The following ZNHIT3 variants were observed in gnomAD, a reference collection of about 807,000 sequenced individuals.
ZNHIT3 encodes the protein zinc finger HIT domain-containing protein 3.
Under a neutral mutation model 19.9 loss-of-function variants are expected in ZNHIT3, and 27 were observed. That is an observed-to-expected ratio of 1.36 (90% CI 1.00 to 1.87). The LOEUF is 1.87. Ranked by LOEUF, ZNHIT3 falls within the 40% of genes most tolerant of loss-of-function variation. The probability of loss-of-function intolerance (pLI) is 0.00; values close to 1 mark genes in which losing one functional copy is unlikely to be tolerated. For synonymous variants in ZNHIT3, 81 were observed against 65.7 expected (o/e 1.23, Z -1.13); for missense variants, 215 against 185.6 (o/e 1.16, Z -0.92).
downstream of ZNHIT3, chr17:36,495,884 A>G: frequency 8.1e-7 from 1 of 1,234,834 alleles, no homozygotes; most frequent in Non-Finnish European, 1.0e-6. Flanking sequence ...TCCAGCGCCA[A>G]TTTTAGGCCA....
At chr17:36,490,975 C>G (rs2070713335) in intron 2 of ZNHIT3, 1 of 152,094 alleles carries the variant, frequency 6.6e-6, no homozygotes, top group South Asian at 2.1e-4. Flanking sequence ...GCCACCATGC[C>G]TGGCTTATTT....
chr17:36,493,970 G>C lies in ZNHIT3; in HGVS notation c.250G>C (p.Glu84Gln). The change falls in exon 4 of 5, where the codon GAA (glutamate) becomes CAA (glutamine). Residue 84 changes from glutamate to glutamine, a missense_variant. Physicochemically the swap from Glu to Gln is conservative, Grantham distance 29. Coordinates refer to ENST00000617429, the MANE Select transcript of ZNHIT3 (RefSeq NM_004773.4). Reference protein sequence around the residue: ...IADFLNSDEEEDRVSLQNLKN... With the variant: ...IADFLNSDEEQDRVSLQNLKN... The stretch of plus-strand genomic sequence containing the variant: ...TGATTTTCTCAATAGTGATGAGGAA[G>C]AAGACAGAGTTTCTTTGCAGAATTT... The C allele has an allele frequency of 6.2e-7, 1 of 1,613,820 alleles. No individual in the cohort carries two copies.
chr17:36,486,765 T>C lies in ZNHIT3; in HGVS notation c.66T>C (p.Cys22=). The C allele has an allele frequency of 3.1e-6, 5 of 1,610,080 alleles. No individual in the cohort carries two copies. Among genetic ancestry groups the C allele is most frequent in the Non-Finnish European group, 4.2e-6 (5 of 1,178,134 alleles). ...GCTTGGAGAAGCCCAAATACCGCTG[T>C]CCAGCCTGCCGCGTGCCCTAGTGAG... is the stretch of plus-strand genomic sequence containing the variant. The part of the protein sequence containing the change: ...VICLEKPKYR[C]PACRVPYCSV... Residue 22 remains cysteine (C), a synonymous_variant, in exon 1 of 5, where the codon TGT becomes TGC. Coordinates refer to ENST00000617429, the MANE Select transcript of ZNHIT3 (RefSeq NM_004773.4).
At chr17:36,493,580 C>T (rs1414369442) in intron 3 of ZNHIT3, among the ~76,000 whole-genome samples, 1 of 152,148 alleles carries the variant, frequency 6.6e-6, no homozygotes, top group African/African-American at 2.4e-5. Context: ...GTTAATTGGC[C>T]CATCACAGGG....
chr17:36,487,404 C>T (rs1266711939), intron 2 of ZNHIT3, among the ~76,000 whole-genome samples: 4 of 152,170 alleles, frequency 2.6e-5, no homozygotes, highest in Non-Finnish European at 5.9e-5. Flanking sequence ...GAGGTAAGTC[C>T]ATGTACAATA....
In ZNHIT3 at chr17:36,487,001, C is replaced by G. The variant is rs146112314; in HGVS notation, c.118+35C>G. The G allele has an allele frequency of 3.5e-4, 568 of 1,609,050 alleles. 4 individuals are homozygous for G. The African/African-American group carries it at 7.0e-3, about 20-fold the overall frequency. ...GTCCCCGCCAGCCCTCGTACCACTG[C>G]GCACGGGGCAGCCCCCACGTCCAGC... On this transcript the variant is annotated intron_variant, in intron 2 of 4. Coordinates refer to ENST00000617429, the MANE Select transcript of ZNHIT3 (RefSeq NM_004773.4).
chr17:36,496,307 G>A (rs756438324), downstream of ZNHIT3: 32 of 1,613,926 alleles, frequency 2.0e-5, no homozygotes, highest in Middle Eastern at 1.6e-4. Flanking sequence ...TGTCTTTCCA[G>A]CAGAATCTGA....
chr17:36,494,536 C>A (rs769661332), intron 4 of ZNHIT3, among the ~76,000 whole-genome samples: 3 of 152,206 alleles, frequency 2.0e-5, no homozygotes, highest in African/African-American at 4.8e-5. Flanking sequence ...TCAGTCCTTA[C>A]AACATTCTGT....
At chr17:36,492,687 C>A in intron 2 of ZNHIT3, 126 bp from the exon 3 acceptor site, 1 of 779,660 alleles carries the variant, frequency 1.3e-6, no homozygotes, top group Non-Finnish European at 2.2e-6. Context: ...TTCCACATTC[C>A]TGGGCACCCA....
chr17:36,487,034 T>G (rs1275731258), intron 2 of ZNHIT3, 68 bp downstream of exon 2: 1 of 1,588,760 alleles, frequency 6.3e-7, no homozygotes, highest in Non-Finnish European at 8.6e-7. Context: ...AGCCTCCGTC[T>G]TGGGGGCGTG....
At chr17:36,498,624 T>C, downstream of ZNHIT3, 2 of 1,470,780 alleles carry the variant, frequency 1.4e-6, no homozygotes, top group Non-Finnish European at 1.8e-6. Context: ...AAAATGGAAA[T>C]CAAAACTATC....
chr17:36,487,923 G>C (rs1567713369), intron 2 of ZNHIT3, among the ~76,000 whole-genome samples: 1 of 150,062 alleles, frequency 6.7e-6, no homozygotes, highest in Non-Finnish European at 1.5e-5. Flanking sequence ...GGGCAACATA[G>C]CGAAACCCCG....
intron 3 of ZNHIT3, chr17:36,493,119 G>A (rs2070766156): frequency 1.7e-6 from 1 of 589,534 alleles, no homozygotes; most frequent in South Asian, 2.1e-5. Context: ...ATGGGCAGAA[G>A]ACAGAGATGA....
At chr17:36,492,675 T>G (rs1266872313) in intron 2 of ZNHIT3, 138 bp from the exon 3 acceptor site, 15 of 724,870 alleles carry the variant, frequency 2.1e-5, no homozygotes, top group Non-Finnish European at 3.6e-5. Flanking sequence ...ATCTCTCACT[T>G]CTTCCACATT....
intron 2 of ZNHIT3, chr17:36,490,691 A>AT (rs1450333387): frequency 2.0e-5 from 3 of 151,956 alleles, no homozygotes; most frequent in African/African-American, 7.3e-5. Context: ...TCATTTTAAT[A>AT]TTTATTTTTC....
Position 36,495,475 on chromosome 17 carries a change from C to A in ZNHIT3, c.*71C>A. 6.8e-7 allele frequency: 1 copy of A among 1,473,074 alleles called. No individual in the cohort carries two copies. The highest frequency in any genetic ancestry group is 9.0e-7 in the Non-Finnish European group (1 of 1,114,784). The allele number at this position is 1,473,074 out of a possible 1,614,324, so 91.3% of individuals were successfully genotyped here. On this transcript the variant is annotated 3_prime_UTR_variant, in exon 5 of 5. Transcript: ENST00000617429. The stretch of plus-strand genomic sequence containing the variant: ...AACCTGCCTGCTCCCTCTCCCAGAC[C>A]AGCTAGTTTGGGGCTGGGGAGCTCA...
chr17:36,487,197 CCTTT>C (rs1284304820), intron 2 of ZNHIT3, among the ~76,000 whole-genome samples: 1 of 152,124 alleles, frequency 6.6e-6, no homozygotes, highest in Non-Finnish European at 1.5e-5. Context: ...TGGTCAGTAG[CCTTT>C]CTTCTACCCC....
downstream of ZNHIT3, chr17:36,496,436 C>T (rs2070979902): frequency 1.2e-6 from 2 of 1,611,374 alleles, no homozygotes; most frequent in South Asian, 1.1e-5. Context: ...GCAGCTTTAG[C>T]ACTAGTTCCT....
Position 36,495,820 on chromosome 17 carries a change from A to G in ZNHIT3, c.*416A>G. Reference sequence around the variant, plus strand: ...TAAATAAATCAACTAATTAAATACTAAAGTTTTGTTCCTTTTTAAAGGAAA... The same window carrying G: ...TAAATAAATCAACTAATTAAATACTGAAGTTTTGTTCCTTTTTAAAGGAAA... On this transcript the variant is annotated 3_prime_UTR_variant, in exon 5 of 5. Transcript: ENST00000617429. 1.6e-6 allele frequency: 2 copies of G among 1,241,912 alleles called. No homozygotes were observed. The highest frequency in any genetic ancestry group is 8.1e-5 in the South Asian group (2 of 24,798). 76.9% of individuals were successfully genotyped at this position (1,241,912 alleles called of 1,614,324 possible).
Sources: gnomAD v4.1 joint callset for allele counts (sites outside exome capture counted in the v4.1 genomes callset) on GRCh38, gnomAD v4.1.1 for gene constraint, MANE v1.5 for transcripts, NCBI Gene and HGNC (gene_info 2026-07-23, HGNC 2026-07-21) for gene names.